The following CNKSR1 variants were observed in gnomAD, a reference collection of about 807,000 sequenced individuals.
CNKSR1 encodes connector enhancer of kinase suppressor of Ras 1, also known as CNK homolog protein 1.
In CNKSR1, 88 loss-of-function variants were observed where a neutral mutation model predicts 95.6. That is an observed-to-expected ratio of 0.92 (90% CI 0.78 to 1.10). CNKSR1 has a LOEUF of 1.10. CNKSR1 is among the 50% of genes least tolerant of loss of function. CNKSR1 has a pLI of 0.00. For synonymous variants in CNKSR1, 355 were observed against 369.7 expected, an observed-to-expected ratio of 0.96 and a Z score of 0.46; for missense variants, 836 against 912.0, an observed-to-expected ratio of 0.92 and a Z score of 1.07.
At chr1:26,180,211 T>A in intron 1 of CNKSR1, 1 of 572,670 alleles carries the variant, frequency 1.7e-6, no homozygotes, top group East Asian at 3.0e-5. Flanking sequence ...AATTTGCATT[T>A]CTAACAAGTT....
rs1557622634 is a variant in CNKSR1, at chr1:26,184,388, CCCTCCCTGACAGACTCTG to C, written c.1001-5_1013del. Reference sequence around the variant, plus strand: ...CTCATAGACTTTCCCTCTCTCTCCTCCCTCCCTGACAGACTCTGCCTCCCTTGGCCCTGAGCCCCTGCC... The same window carrying C: ...CTCATAGACTTTCCCTCTCTCTCCTCCCTCCCTTGGCCCTGAGCCCCTGCC... On this transcript the variant is annotated splice_acceptor_variant and splice_polypyrimidine_tract_variant and coding_sequence_variant and intron_variant, in exon 12 of 21. Coordinates refer to ENST00000361530, the MANE Select transcript of CNKSR1 (RefSeq NM_006314.3). LOFTEE classifies it high-confidence loss of function. The C allele has an allele frequency of 1.9e-6, 3 of 1,610,094 alleles. No individual in the cohort carries two copies. The Admixed American group carries it at 5.0e-5, about 27-fold the overall frequency.
chr1:26,179,327 G>C (rs1013697605), intron 1 of CNKSR1, among the ~76,000 whole-genome samples: 1 of 152,180 alleles, frequency 6.6e-6, no homozygotes, highest in African/African-American at 2.4e-5. Flanking sequence ...CACTCAGCCT[G>C]GGAAGTTATG....
In CNKSR1 at chr1:26,189,582, C is replaced by T; in HGVS notation, c.*34C>T. The T allele has an allele frequency of 1.9e-6, 2 of 1,046,758 alleles. No homozygotes were observed. Among genetic ancestry groups the T allele is most frequent in the Non-Finnish European group, 3.0e-6 (2 of 661,816 alleles). 64.8% of individuals were successfully genotyped at this position (1,046,758 alleles called of 1,614,324 possible). Reference sequence around the variant, plus strand: ...AGCACTCTAGCTCCTGACCTTTGACCCGAGGGCCACCTCAACCCCAGCTTC... The same window carrying T: ...AGCACTCTAGCTCCTGACCTTTGACTCGAGGGCCACCTCAACCCCAGCTTC... On this transcript the variant is annotated 3_prime_UTR_variant, in exon 21 of 21. Transcript: ENST00000361530.
At chr1:26,189,048 AGAC>A in intron 20 of CNKSR1, 95 bp downstream of exon 20, 4 of 1,366,484 alleles carry the variant, frequency 2.9e-6, no homozygotes, top group South Asian at 1.2e-5. Flanking sequence ...ACCAGACTCC[AGAC>A]TCCAGACTCA....
In CNKSR1 at chr1:26,183,872, C is replaced by T. The variant is rs180984119; in HGVS notation, c.855+42C>T. The T allele has an allele frequency of 4.9e-3, 2,688 of 548,610 alleles. 62 individuals carry two copies. The African/African-American group carries it at 0.054, about 11-fold the overall frequency. The allele number at this position is 548,610 out of a possible 1,614,324, so 34.0% of individuals were successfully genotyped here. On this transcript the variant is annotated intron_variant, in intron 9 of 20. Transcript: ENST00000361530. Reference sequence around the variant, plus strand: ...CCCCCCGACCTGCCTTCAGACCCCCCCCTCCACAGGTACCTGCCCCCACCA... The same window carrying T: ...CCCCCCGACCTGCCTTCAGACCCCCTCCTCCACAGGTACCTGCCCCCACCA...
At chr1:26,178,746 A>T (rs1229288234) in intron 1 of CNKSR1, among the ~76,000 whole-genome samples, 1 of 152,240 alleles carries the variant, frequency 6.6e-6, no homozygotes, top group African/African-American at 2.4e-5. Flanking sequence ...GACCTTATGA[A>T]GTCGACAAAG....
chr1:26,186,403 C>T (rs1016267316), intron 14 of CNKSR1, among the ~76,000 whole-genome samples: 3 of 152,252 alleles, frequency 2.0e-5, no homozygotes, highest in Non-Finnish European at 2.9e-5. Flanking sequence ...CAGGTTCAAG[C>T]GATCCTCCTG....
In CNKSR1 at chr1:26,189,734, G is replaced by A. The variant is rs1454443985; in HGVS notation, c.*186G>A. 3 of 705,680 alleles carry A rather than the reference G, an allele frequency of 4.3e-6. No homozygotes were observed. The South Asian group carries it at 4.4e-5, about 10-fold the overall frequency. 43.7% of individuals were successfully genotyped at this position (705,680 alleles called of 1,614,324 possible). A position where few individuals can be genotyped will look rare whatever the true frequency, so the allele number is the denominator to read the frequency against. On this transcript the variant is annotated 3_prime_UTR_variant, in exon 21 of 21. Transcript: ENST00000361530. ...TGCCACCCTCTCCCTTGCCAAAGAA[G>A]AAACTCTCCCCCCAAATCCTCCAAC...
chr1:26,180,441 C>G lies in CNKSR1; in HGVS notation c.53-12C>G. 1 of 1,613,626 alleles carries G rather than the reference C, an allele frequency of 6.2e-7. No individual in the cohort carries two copies. Among genetic ancestry groups the G allele is most frequent in the Non-Finnish European group, 8.5e-7 (1 of 1,180,046 alleles). ...CTCTGCTTCCCCGAGCTGAGCCTTA[C>G]TCTCCCTCCAGGTCTTGACGACTCC... On this transcript the variant is annotated splice_polypyrimidine_tract_variant and intron_variant, in intron 1 of 20. Transcript: ENST00000361530.
chr1:26,189,147 C>T, intron 20 of CNKSR1, 132 bp from the exon 21 acceptor site: 2 of 1,319,104 alleles, frequency 1.5e-6, no homozygotes, highest in South Asian at 1.2e-5. Context: ...ATTTGAGTCT[C>T]ACCTAGGCTC....
At position 26,184,370 on chromosome 1, in the gene CNKSR1, A is replaced by G. The variant is rs57880419; in HGVS notation, c.1001-31A>G. ...CCCAAGCCTGGGACTGGGCTCATAGACTTTCCCTCTCTCTCCTCCCTCCCT... is the reference window on the plus strand; with the variant it reads ...CCCAAGCCTGGGACTGGGCTCATAGGCTTTCCCTCTCTCTCCTCCCTCCCT... On this transcript the variant is annotated intron_variant, in intron 11 of 20. Coordinates refer to ENST00000361530, the MANE Select transcript of CNKSR1 (RefSeq NM_006314.3). 3,102 of 1,606,786 alleles carry G rather than the reference A, an allele frequency of 1.9e-3. 60 individuals are homozygous for G. In the African/African-American group the frequency reaches 0.037, roughly 19 times the overall value.
chr1:26,182,158 G>A (rs2088657224), intron 4 of CNKSR1: 4 of 702,490 alleles, frequency 5.7e-6, no homozygotes, highest in East Asian at 5.4e-5. Context: ...GGAGGGGAGG[G>A]CACGTGTGGT....
rs1333285065 is a variant in CNKSR1, at chr1:26,187,585, G to C, written c.1454+103G>C. 5 of 1,090,192 alleles carry C rather than the reference G, an allele frequency of 4.6e-6. No individual in the cohort carries two copies. In the African/African-American group the frequency reaches 7.7e-5, roughly 17 times the overall value. 67.5% of individuals were successfully genotyped at this position (1,090,192 alleles called of 1,614,324 possible). On this transcript the variant is annotated intron_variant, in intron 16 of 20. Coordinates refer to ENST00000361530, the MANE Select transcript of CNKSR1 (RefSeq NM_006314.3). ...CTGGAGATACAAATTCCAGCTCTCT[G>C]AGAGTGGTTGGTCAAGATACTCACT...
At position 26,188,625 on chromosome 1, in the gene CNKSR1, C is replaced by T; in HGVS notation, c.1618C>T (p.Leu540Phe). 6.2e-7 allele frequency: 1 copy of T among 1,613,870 alleles called. No homozygotes were observed. The highest frequency in any genetic ancestry group is 8.5e-7 in the Non-Finnish European group (1 of 1,179,896). ...SPSPAQAGSPLHGDTSPAATP... is the reference protein window; with the variant it reads ...SPSPAQAGSPFHGDTSPAATP... ...CAGCCCTGCTCAAGCTGGGAGTCCCCTCCATGGAGACACATCACCTGCAGC... is the reference window on the plus strand; with the variant it reads ...CAGCCCTGCTCAAGCTGGGAGTCCCTTCCATGGAGACACATCACCTGCAGC... Residue 540 changes from leucine (L) to phenylalanine (F), a missense_variant, in exon 19 of 21, where the codon CTC becomes TTC. Coordinates refer to ENST00000361530, the MANE Select transcript of CNKSR1 (RefSeq NM_006314.3).
Position 26,183,352 on chromosome 1 carries a change from A to C in CNKSR1, c.691A>C (p.Thr231Pro). 1 of 1,614,118 alleles carries C rather than the reference A, an allele frequency of 6.2e-7. No individual in the cohort carries two copies. The highest frequency in any genetic ancestry group is 8.5e-7 in the Non-Finnish European group (1 of 1,180,002). ...GCCCCATTCCCCACGTCAGGTTCCC[A>C]CTGACTCCCGACTGCAGATCCAGCC... Reference protein sequence around the residue: ...FVSQVDTQVPTDSRLQIQPGD... With the variant: ...FVSQVDTQVPPDSRLQIQPGD... Residue 231 changes from threonine to proline, a missense_variant, in exon 8 of 21, where the codon ACT (threonine) becomes CCT (proline). Thr to Pro is a conservative substitution (Grantham distance 38). Coordinates refer to ENST00000361530, the MANE Select transcript of CNKSR1 (RefSeq NM_006314.3).
intron 14 of CNKSR1, 117 bp from the exon 15 acceptor site, chr1:26,187,051 C>A: frequency 1.3e-6 from 1 of 775,380 alleles, no homozygotes; most frequent in East Asian, 2.5e-5. Context: ...TGTTAGAGAG[C>A]CCAGGAGATG....
rs754507482 is a variant in CNKSR1, at chr1:26,182,515, G to C, written c.555G>C (p.Leu185=). Residue 185 remains leucine (L), a synonymous_variant, in exon 6 of 21, where the codon CTG becomes CTC. Coordinates refer to ENST00000361530, the MANE Select transcript of CNKSR1 (RefSeq NM_006314.3). ...TGGCTGGGATCTGCCACAACATCCTGGTCTGCTGCCCCAAGGAGCTGCTGG... is the reference window on the plus strand; with the variant it reads ...TGGCTGGGATCTGCCACAACATCCTCGTCTGCTGCCCCAAGGAGCTGCTGG... ...SHVAGICHNI[L]VCCPKELLEQ... is the part of the protein sequence containing the mutation. 2 of 1,613,992 alleles carry C rather than the reference G, an allele frequency of 1.2e-6. No individual in the cohort carries two copies. The highest frequency in any genetic ancestry group is 3.3e-5 in the Admixed American group (2 of 60,016).
chr1:26,184,970 C>T (rs550617870), intron 13 of CNKSR1, 44 bp from the exon 14 acceptor site: 1 of 1,546,268 alleles, frequency 6.5e-7, no homozygotes, highest in Non-Finnish European at 8.7e-7. Flanking sequence ...AGCGGGGGCA[C>T]CTTGCCAGCC....
chr1:26,185,064 C>G lies in CNKSR1; in HGVS notation c.1186C>G (p.Arg396Gly). The change falls in exon 14 of 21, where the codon CGG becomes GGG. Residue 396 changes from arginine to glycine, a missense_variant. By Grantham distance (125) the Arg-to-Gly change is moderately radical (BLOSUM62 -2). Transcript: ENST00000361530. ...GCGGGTGTCATGCCGTGAGCTGGGC[C>G]GGCCGGACTGTGACGGCTGGCTCCT... Reference protein sequence around the residue: ...RRRVSCRELGRPDCDGWLLLR... With the variant: ...RRRVSCRELGGPDCDGWLLLR... 1 of 1,605,256 alleles carries G rather than the reference C, an allele frequency of 6.2e-7. No homozygotes were observed. Among genetic ancestry groups the G allele is most frequent in the Non-Finnish European group, 8.5e-7 (1 of 1,178,498 alleles).
Sources: allele counts gnomAD v4.1 joint callset (sites outside exome capture counted in the v4.1 genomes callset), GRCh38; gene constraint gnomAD v4.1.1; transcripts MANE v1.5; gene names NCBI Gene and HGNC (gene_info 2026-07-23, HGNC 2026-07-21).